The following CDH2 variants were observed in gnomAD, a reference collection of about 807,000 sequenced individuals.
CDH2 encodes the protein cadherin 2.
CDH2 carries 17 observed loss-of-function variants against 92.0 expected under a neutral mutation model. That is an observed-to-expected ratio of 0.18 (90% CI 0.13 to 0.28). The LOEUF is 0.28. CDH2 is among the 10% of genes least tolerant of loss of function. The pLI, the probability that CDH2 is intolerant of heterozygous loss-of-function variation, is 1.00. For missense variants in CDH2, 862 were observed against 1,133.1 expected (o/e 0.76, Z 3.44); for synonymous variants, 419 against 415.9 (o/e 1.01, Z -0.09).
intron 1 of CDH2, among the ~76,000 whole-genome samples, chr18:28,157,184 C>T (rs1333812536): frequency 6.6e-6 from 1 of 152,202 alleles, no homozygotes; most frequent in African/African-American, 2.4e-5. Context: ...GATGGCCAAT[C>T]ATGGCTCAGA....
intron 15 of CDH2, among the ~76,000 whole-genome samples, chr18:27,955,568 C>T (rs1004854166): frequency 5.9e-5 from 9 of 151,832 alleles, no homozygotes; most frequent in African/African-American, 2.2e-4. Flanking sequence ...GGTGTGTTCA[C>T]GGACCCCAGG....
intron 7 of CDH2, 31 bp from the exon 8 acceptor site, chr18:27,993,668 G>T: frequency 1.3e-6 from 2 of 1,514,180 alleles, no homozygotes; most frequent in Non-Finnish European, 1.8e-6. Context: ...GAACTTAAAT[G>T]AAACTAATTC....
intron 14 of CDH2, among the ~76,000 whole-genome samples, chr18:27,971,002 C>T (rs1353086415): frequency 6.6e-6 from 1 of 152,094 alleles, no homozygotes; most frequent in Non-Finnish European, 1.5e-5. Context: ...CTTTGGGAGG[C>T]CAAGGAGGAT....
At chr18:27,991,196 T>C (rs1358381426) in intron 9 of CDH2, among the ~76,000 whole-genome samples, 1 of 152,138 alleles carries the variant, frequency 6.6e-6, no homozygotes, top group East Asian at 1.9e-4. Flanking sequence ...TGCGAATGGA[T>C]GTGCAAATAA....
chr18:27,935,988 G>C lies in CDH2; in HGVS notation c.1152-2864C>G, dbSNP rs77860090. On this transcript the variant is annotated intron_variant, in intron 6 of 6. Transcript: ENST00000675173. Reference sequence around the variant, plus strand: ...TTTATGTGAATTGCTATATTATTCTGTTGCACTATAAACACAACTGTAATA... The same window carrying C: ...TTTATGTGAATTGCTATATTATTCTCTTGCACTATAAACACAACTGTAATA... Among the ~76,000 whole-genome samples the C allele has an allele frequency of 3.0e-3, 452 of 152,226 alleles. 2 individuals carry two copies. Among genetic ancestry groups the C allele is most frequent in the African/African-American group, 0.011 (439 of 41,536 alleles).
chr18:28,123,635 G>T (rs186293489), intron 2 of CDH2, among the ~76,000 whole-genome samples: 1 of 152,086 alleles, frequency 6.6e-6, no homozygotes, highest in African/African-American at 2.4e-5. Context: ...AATTTTGATC[G>T]TGCTTTAGAA....
chr18:28,111,286 C>G (rs17536236), intron 2 of CDH2, among the ~76,000 whole-genome samples: 1 of 152,216 alleles, frequency 6.6e-6, no homozygotes, highest in Non-Finnish European at 1.5e-5. Flanking sequence ...AGAGATATTT[C>G]GAGGCATGGG....
At chr18:27,963,673 T>C (rs1406199609) in intron 14 of CDH2, 152 bp from the exon 15 acceptor site, 1 of 621,754 alleles carries the variant, frequency 1.6e-6, no homozygotes, top group African/African-American at 1.8e-5. Context: ...CATGTTATGA[T>C]TAAATATTTC....
intron 2 of CDH2, among the ~76,000 whole-genome samples, chr18:28,059,348 C>A (rs1391585315): frequency 6.6e-6 from 1 of 152,122 alleles, no homozygotes; most frequent in African/African-American, 2.4e-5. Flanking sequence ...GGGGAAATAC[C>A]ATTGATTTGG....
chr18:27,975,533 A>G (rs542238035), intron 14 of CDH2, among the ~76,000 whole-genome samples: 46 of 152,334 alleles, frequency 3.0e-4, no homozygotes, highest in Admixed American at 2.7e-3. Context: ...CACTGGCAGA[A>G]GCAAACTCCG....
chr18:28,078,946 A>G (rs2144185862), intron 2 of CDH2, among the ~76,000 whole-genome samples: 1 of 152,164 alleles, frequency 6.6e-6, no homozygotes, highest in Admixed American at 6.5e-5. Flanking sequence ...CCACACACTA[A>G]TCAGAGTAGA....
chr18:28,022,531 T>C (rs573861469), intron 2 of CDH2, among the ~76,000 whole-genome samples: 1 of 152,216 alleles, frequency 6.6e-6, no homozygotes, highest in Admixed American at 6.5e-5. Flanking sequence ...CAAGAGTTAG[T>C]GGGAGTAAAG....
At chr18:28,151,065 C>T (rs938553505) in intron 1 of CDH2, among the ~76,000 whole-genome samples, 1 of 152,216 alleles carries the variant, frequency 6.6e-6, no homozygotes, top group Non-Finnish European at 1.5e-5. Context: ...TTCAATTCTC[C>T]CTGCAACCCT....
rs776383044 is a variant in CDH2, at chr18:28,176,823, C to CGCGCG, written c.60+135_60+139dup. On this transcript the variant is annotated intron_variant, in intron 1 of 15. Transcript: ENST00000269141. ...GCCCGATGCCTGCGCAGCTACCGGC[C>CGCGCG]GCGCGGCGCGGCGCGGCGCGGCGTG... 2.8e-3 allele frequency: 772 copies of CGCGCG among 279,006 alleles called. 4 individuals are homozygous for CGCGCG. The highest frequency in any genetic ancestry group is 0.014 in the African/African-American group (607 of 43,438). The allele number at this position is 279,006 out of a possible 1,614,324, so 17.3% of individuals were successfully genotyped here. A position where few individuals can be genotyped will look rare whatever the true frequency, so the allele number is the denominator to read the frequency against.
chr18:28,172,618 A>G (rs17469371), intron 1 of CDH2, among the ~76,000 whole-genome samples: 25,527 of 152,198 alleles, frequency 0.17, 2,653 homozygotes, highest in Non-Finnish European at 0.23. Context: ...TAGCAAGTAT[A>G]CTGCTGTCAG....
intron 2 of CDH2, among the ~76,000 whole-genome samples, chr18:28,131,581 AC>A (rs1424821319): frequency 6.6e-6 from 1 of 152,112 alleles, no homozygotes; most frequent in African/African-American, 2.4e-5. Flanking sequence ...TTATGAGAAA[AC>A]CAAAATATTA....
chr18:28,007,546 A>C lies in CDH2; in HGVS notation c.703-1553T>G, dbSNP rs149328043. 7.9e-5 allele frequency among the ~76,000 whole-genome samples: 12 copies of C among 152,248 alleles called. 1 individual carries two copies. The highest frequency in any genetic ancestry group is 2.6e-4 in the African/African-American group (11 of 41,544). On this transcript the variant is annotated intron_variant, in intron 5 of 15. Transcript: ENST00000269141. ...ACATAAAAACAATGTAAATTTTAAT[A>C]CTGCCATTCAATACCTATAGAGATA...
chr18:28,043,493 T>TATAA lies in CDH2; in HGVS notation c.173-29585_173-29584insTTAT, dbSNP rs1370461129. Among the ~76,000 whole-genome samples, 12 of 69,956 alleles carry TATAA rather than the reference T, an allele frequency of 1.7e-4. No individual in the cohort carries two copies. The East Asian group carries it at 1.7e-3, about 10-fold the overall frequency. The allele number at this position is 69,956 out of a possible 152,430, so 45.9% of individuals were successfully genotyped here. A position where few individuals can be genotyped will look rare whatever the true frequency, so the allele number is the denominator to read the frequency against. ...ATATATATATATATATATATATATA[T>TATAA]AAATATATATATATATATATATAAA... On this transcript the variant is annotated intron_variant, in intron 2 of 15. Transcript: ENST00000269141.
At chr18:28,174,975 C>T (rs1484988414) in intron 1 of CDH2, among the ~76,000 whole-genome samples, 1 of 152,080 alleles carries the variant, frequency 6.6e-6, no homozygotes, top group Non-Finnish European at 1.5e-5. Flanking sequence ...AAAAAAAAAT[C>T]CTAATACACA....
Sources: gnomAD v4.1 joint callset for allele counts (sites outside exome capture counted in the v4.1 genomes callset) on GRCh38, gnomAD v4.1.1 for gene constraint, MANE v1.5 for transcripts, NCBI Gene and HGNC (gene_info 2026-07-23, HGNC 2026-07-21) for gene names.